Variants in TRPM3 observed in about 807,000 individuals in gnomAD.
TRPM3 encodes the protein long transient receptor potential channel 3.
A neutral mutation model predicts 181.2 loss-of-function variants in TRPM3; 77 were observed. The observed-to-expected ratio is 0.42, with a 90% CI of 0.35 to 0.51. The LOEUF is 0.51. TRPM3 is among the 20% of genes least tolerant of loss of function. The pLI is 0.01. For synonymous variants in TRPM3, 745 were observed against 796.4 expected, an observed-to-expected ratio of 0.94 and a Z score of 1.09; for missense variants, 1,759 against 2,196.7, an observed-to-expected ratio of 0.80 and a Z score of 3.98.
chr9:71,377,312 G>C (rs1320864909), intron 1 of TRPM3, among the ~76,000 whole-genome samples: 1 of 152,020 alleles, frequency 6.6e-6, no homozygotes, highest in East Asian at 1.9e-4. Context: ...CTCGGAGATG[G>C]AATATTAACC....
At chr9:70,797,649 C>T (rs2087529698) in intron 6 of TRPM3, among the ~76,000 whole-genome samples, 1 of 152,230 alleles carries the variant, frequency 6.6e-6, no homozygotes, top group South Asian at 2.1e-4. Flanking sequence ...TCTTTCCTCA[C>T]TCCTGGTTTC....
chr9:70,959,188 T>TA (rs368832721), intron 1 of TRPM3, among the ~76,000 whole-genome samples: 70 of 148,638 alleles, frequency 4.7e-4, no homozygotes, highest in African/African-American at 9.4e-4. Context: ...ATGTCACCTG[T>TA]AAAAAAAAAA....
At chr9:70,621,102 T>C (rs1246000322) in intron 15 of TRPM3, 142 bp downstream of exon 15, 1 of 212,066 alleles carries the variant, frequency 4.7e-6, no homozygotes, top group African/African-American at 2.4e-5. Flanking sequence ...ATATTTATAG[T>C]ATATATATAT....
At chr9:70,936,518 C>T (rs188573488) in intron 1 of TRPM3, among the ~76,000 whole-genome samples, 169 of 152,176 alleles carry the variant, frequency 1.1e-3, no homozygotes, top group African/African-American at 3.6e-3. Flanking sequence ...GAAGAGCAAT[C>T]GATTTATTAG....
chr9:71,204,217 C>G (rs2078982370), intron 1 of TRPM3, among the ~76,000 whole-genome samples: 1 of 150,822 alleles, frequency 6.6e-6, no homozygotes, highest in Non-Finnish European at 1.5e-5. Flanking sequence ...CAAATGGGAT[C>G]TAATTAAACT....
At chr9:70,841,486 T>TTA (rs922236080) in intron 5 of TRPM3, among the ~76,000 whole-genome samples, 7 of 150,326 alleles carry the variant, frequency 4.7e-5, no homozygotes, top group Admixed American at 3.3e-4. Flanking sequence ...AGTGTTTTTT[T>TTA]ATTAAGGAAA....
At chr9:70,975,937 A>G (rs1458751363) in intron 1 of TRPM3, among the ~76,000 whole-genome samples, 1 of 152,166 alleles carries the variant, frequency 6.6e-6, no homozygotes, top group Admixed American at 6.5e-5. Context: ...TAATTTACCC[A>G]AAGCGTCAAG....
At chr9:70,845,243 T>C (rs557635879) in intron 4 of TRPM3, among the ~76,000 whole-genome samples, 1 of 152,284 alleles carries the variant, frequency 6.6e-6, no homozygotes, top group South Asian at 2.1e-4. Flanking sequence ...GATAACGTGT[T>C]ATTTTTGTTT....
chr9:71,069,924 A>G (rs934777862), intron 1 of TRPM3, among the ~76,000 whole-genome samples: 3 of 152,200 alleles, frequency 2.0e-5, no homozygotes, highest in Non-Finnish European at 4.4e-5. Context: ...AATTTTTTTA[A>G]AAAAGGTACT....
rs764377677 is a variant in TRPM3 at position 71,334,194 on chromosome 9, T to A, written c.183+112459A>T. ...CCAGTAATAAAATTAGAGAAAAAAA[T>A]TATAACTAAGTAATTCACCAGAAAG... On this transcript the variant is annotated intron_variant, in intron 1 of 24. Transcript: ENST00000357533. Among the ~76,000 whole-genome samples, 60 of 151,546 alleles carry A rather than the reference T, an allele frequency of 4.0e-4. 4 individuals carry two copies. The highest frequency in any genetic ancestry group is 2.8e-4 in the Non-Finnish European group (19 of 67,864).
At chr9:71,428,624 C>CT (rs142263882) in intron 1 of TRPM3, among the ~76,000 whole-genome samples, 4 of 152,280 alleles carry the variant, frequency 2.6e-5, no homozygotes, top group African/African-American at 9.6e-5. Flanking sequence ...CTCTACCAAG[C>CT]TTGACAAATG....
chr9:70,623,065 A>G lies in TRPM3; in HGVS notation c.1810-1792T>C, dbSNP rs143806051. Reference sequence around the variant, plus strand: ...TTCAGAATCAGAAAAAAACTTTGTTAAATATAAAAATCATGGCTCCACACA... The same window carrying G: ...TTCAGAATCAGAAAAAAACTTTGTTGAATATAAAAATCATGGCTCCACACA... On this transcript the variant is annotated intron_variant, in intron 14 of 25. Coordinates refer to ENST00000677713, the MANE Select transcript of TRPM3 (RefSeq NM_001366145.2). Among the ~76,000 whole-genome samples, 392 of 152,224 alleles carry G rather than the reference A, an allele frequency of 2.6e-3. 1 individual carries two copies. The highest frequency in any genetic ancestry group is 4.6e-3 in the Non-Finnish European group (313 of 68,026).
At chr9:70,786,359 C>A (rs936709672) in intron 6 of TRPM3, among the ~76,000 whole-genome samples, 6 of 140,768 alleles carry the variant, frequency 4.3e-5, no homozygotes, top group Admixed American at 3.6e-4. Flanking sequence ...GTGGCAGGCG[C>A]CTGTAATCCC....
At chr9:71,251,939 A>G (rs2082367650) in intron 1 of TRPM3, among the ~76,000 whole-genome samples, 1 of 152,140 alleles carries the variant, frequency 6.6e-6, no homozygotes, top group Non-Finnish European at 1.5e-5. Flanking sequence ...GTTCCCACAA[A>G]TAAGTAAGAA....
At chr9:70,913,682 C>A (rs1384536540) in intron 1 of TRPM3, among the ~76,000 whole-genome samples, 1 of 152,122 alleles carries the variant, frequency 6.6e-6, no homozygotes, top group African/African-American at 2.4e-5. Context: ...CAGAAAAAAA[C>A]CACCAGACTG....
intron 12 of TRPM3, 64 bp downstream of exon 12, chr9:70,635,147 C>CA: frequency 6.9e-7 from 1 of 1,448,140 alleles, no homozygotes; most frequent in Non-Finnish European, 9.7e-7. Context: ...AAAACAGAGG[C>CA]ACTCTCTAAT....
At chr9:71,207,977 C>T (rs1267713582) in intron 1 of TRPM3, among the ~76,000 whole-genome samples, 1 of 152,064 alleles carries the variant, frequency 6.6e-6, no homozygotes, top group Non-Finnish European at 1.5e-5. Flanking sequence ...CTACAGTTAA[C>T]CCCTAGAGTG....
chr9:70,862,766 G>C, intron 3 of TRPM3, 142 bp downstream of exon 3: 1 of 747,386 alleles, frequency 1.3e-6, no homozygotes, highest in Non-Finnish European at 2.3e-6. Flanking sequence ...CAGGGGCAGG[G>C]GACTCAGAGC....
At chr9:71,244,463 A>C (rs1399698330) in intron 1 of TRPM3, among the ~76,000 whole-genome samples, 1 of 152,150 alleles carries the variant, frequency 6.6e-6, no homozygotes, top group African/African-American at 2.4e-5. Context: ...CATGGGAAAC[A>C]CAAAACATGA....
Sources: gnomAD v4.1 joint callset for allele counts (sites outside exome capture counted in the v4.1 genomes callset) on GRCh38, gnomAD v4.1.1 for gene constraint, MANE v1.5 for transcripts, NCBI Gene and HGNC (gene_info 2026-07-23, HGNC 2026-07-21) for gene names.